The following MIA2 variants were observed in gnomAD, a reference collection of about 807,000 sequenced individuals.
MIA2 encodes the protein melanoma inhibitory activity protein 2.
Under a neutral mutation model 167.8 loss-of-function variants are expected in MIA2, and 127 were observed. The ratio of observed to expected loss-of-function variants is 0.76; its 90% CI spans 0.66 to 0.88. MIA2 has a LOEUF of 0.88. MIA2 is among the 40% of genes least tolerant of loss of function. MIA2 has a pLI of 0.00. For synonymous variants in MIA2, 552 were observed against 541.9 expected (o/e 1.02, Z -0.26); for missense variants, 1,690 against 1,624.7 (o/e 1.04, Z -0.69).
intron 2 of MIA2, among the ~76,000 whole-genome samples, chr14:39,239,255 C>T (rs1332113012): frequency 6.6e-6 from 1 of 152,054 alleles, no homozygotes; most frequent in Non-Finnish European, 1.5e-5. Flanking sequence ...CTTTAAAATG[C>T]CAGTCTAAGG....
Position 39,240,554 on chromosome 14 carries a change from T to G in MIA2, c.250-7T>G. On this transcript the variant is annotated splice_polypyrimidine_tract_variant and splice_region_variant and intron_variant, in intron 2 of 28. Transcript: ENST00000640607. ...TCCTCGATAATCTTTGTTCTTCATT[T>G]TGACAGAAAGGAAAGGAGTTTGGAT... The G allele has an allele frequency of 6.2e-7, 1 of 1,602,106 alleles. No homozygotes were observed. The highest frequency in any genetic ancestry group is 8.5e-7 in the Non-Finnish European group (1 of 1,170,130).
intron 6 of MIA2, chr14:39,269,089 T>A: frequency 1.0e-6 from 1 of 960,156 alleles, no homozygotes; most frequent in Non-Finnish European, 1.2e-6. Flanking sequence ...TTTTTTTTTT[T>A]TTTTTTTTTT....
intron 13 of MIA2, among the ~76,000 whole-genome samples, chr14:39,298,530 GTTTTT>G (rs764475842): frequency 3.8e-5 from 1 of 26,180 alleles, no homozygotes; most frequent in African/African-American, 1.6e-4. Context: ...GTAGAACAGA[GTTTTT>G]TTTTTTTTTT....
intron 9 of MIA2, among the ~76,000 whole-genome samples, chr14:39,287,402 G>C (rs1180372971): frequency 6.6e-6 from 1 of 151,838 alleles, no homozygotes. Flanking sequence ...AATAGAAGTG[G>C]TGGTTGTGGG....
chr14:39,271,860 A>G (rs2057212222), intron 6 of MIA2, among the ~76,000 whole-genome samples: 1 of 152,036 alleles, frequency 6.6e-6, no homozygotes, highest in Admixed American at 6.6e-5. Flanking sequence ...AATAGAATTT[A>G]TTAAGTGAAA....
chr14:39,295,158 C>T, intron 13 of MIA2, 129 bp downstream of exon 13: 1 of 680,766 alleles, frequency 1.5e-6, no homozygotes. Flanking sequence ...AGGACAGTCT[C>T]CCATACATAT....
chr14:39,320,604 C>CT (rs1468392195), intron 23 of MIA2, among the ~76,000 whole-genome samples: 1 of 152,062 alleles, frequency 6.6e-6, no homozygotes, highest in African/African-American at 2.4e-5. Flanking sequence ...AAAAAAAAAT[C>CT]TAACTTTATG....
rs895698237 is a variant in MIA2 at position 39,348,970 on chromosome 14, A to T, written c.4065A>T (p.Pro1355=). The T allele has an allele frequency of 6.2e-7, 1 of 1,612,636 alleles. No homozygotes were observed. The change falls in exon 28 of 29, where the codon CCA becomes CCT. Residue 1355 remains proline (P), a synonymous_variant. Transcript: ENST00000640607. ...ATTTCCCAGGTCCACCACCTGCTCC[A>T]TTTGCAAGTATGCTTTTTTAAACTT... ...PGDFPGPPPA[P]FAMRNVYPPR... is the part of the protein sequence containing the mutation.
chr14:39,341,575 A>T (rs2071852864), intron 25 of MIA2, among the ~76,000 whole-genome samples: 1 of 152,124 alleles, frequency 6.6e-6, no homozygotes, highest in African/African-American at 2.4e-5. Context: ...GGTGGAGGGT[A>T]AGTGGAGGTG....
Position 39,303,534 on chromosome 14 carries a change from AT to A in MIA2, c.2787+12del. On this transcript the variant is annotated intron_variant, in intron 16 of 28. Transcript: ENST00000640607. ...GATTCATGCTGCTAAGGTTTGTGCTATTAGATACTTAAAAAGAATAAGGAGG... is the reference window on the plus strand; with the variant it reads ...GATTCATGCTGCTAAGGTTTGTGCTATAGATACTTAAAAAGAATAAGGAGG... 6.3e-7 allele frequency: 1 copy of A among 1,598,990 alleles called. No homozygotes were observed. The highest frequency in any genetic ancestry group is 8.6e-7 in the Non-Finnish European group (1 of 1,168,830).
At chr14:39,344,223 G>T (rs2072696306) in intron 25 of MIA2, among the ~76,000 whole-genome samples, 1 of 152,168 alleles carries the variant, frequency 6.6e-6, no homozygotes, top group Admixed American at 6.5e-5. Context: ...TTGTTGATGT[G>T]TGGGGATATA....
chr14:39,313,491 A>G, intron 19 of MIA2, 50 bp downstream of exon 19: 1 of 1,034,814 alleles, frequency 9.7e-7, no homozygotes, highest in Non-Finnish European at 1.4e-6. Context: ...AAGAGTATCT[A>G]AAAAACTTAA....
rs567648270 is a variant in MIA2, at chr14:39,241,564, C to T, written c.336+917C>T. On this transcript the variant is annotated intron_variant, in intron 3 of 28. Coordinates refer to ENST00000640607, the MANE Select transcript of MIA2 (RefSeq NM_001329214.4). ...GAATTTCTGGGGCTCAAGCAATCCTCCCGCCTCTGCCTCACCAATGGCTGG... is the reference window on the plus strand; with the variant it reads ...GAATTTCTGGGGCTCAAGCAATCCTTCCGCCTCTGCCTCACCAATGGCTGG... Among the ~76,000 whole-genome samples, 40 of 152,326 alleles carry T rather than the reference C, an allele frequency of 2.6e-4. 2 individuals are homozygous for T. The highest frequency in any genetic ancestry group is 9.6e-4 in the African/African-American group (40 of 41,582).
At position 39,332,507 on chromosome 14, in the gene MIA2, G is replaced by C. The variant is rs559411312; in HGVS notation, c.3655+5485G>C. ...TGCTGCCAAGGAGTTGTGATCCTTT[G>C]AAAGACGAGGCATCCTGGTTTTTGG... On this transcript the variant is annotated intron_variant, in intron 25 of 28. Coordinates refer to ENST00000640607, the MANE Select transcript of MIA2 (RefSeq NM_001329214.4). Among the ~76,000 whole-genome samples the C allele has an allele frequency of 4.6e-5, 7 of 152,272 alleles. No individual in the cohort carries two copies. In the South Asian group the frequency reaches 8.3e-4, roughly 18 times the overall value.
intron 25 of MIA2, among the ~76,000 whole-genome samples, chr14:39,338,708 C>T (rs1488562227): frequency 6.6e-6 from 1 of 152,110 alleles, no homozygotes; most frequent in African/African-American, 2.4e-5. Context: ...TTACCTTGCT[C>T]AGCGCTTCAG....
At chr14:39,277,684 A>ATATG (rs1430153750) in intron 7 of MIA2, among the ~76,000 whole-genome samples, 2 of 9,360 alleles carry the variant, frequency 2.1e-4, no homozygotes, top group African/African-American at 2.0e-3. Flanking sequence ...ATATATATAT[A>ATATG]TATGTGTGTA....
intron 25 of MIA2, among the ~76,000 whole-genome samples, chr14:39,333,944 A>C (rs187422009): frequency 1.3e-5 from 2 of 152,334 alleles, no homozygotes; most frequent in African/African-American, 4.8e-5. Flanking sequence ...CAGAGGGCCA[A>C]CCTGTGTCAA....
At chr14:39,295,104 C>T (rs2061247702) in intron 13 of MIA2, 75 bp downstream of exon 13, 1 of 994,798 alleles carries the variant, frequency 1.0e-6, no homozygotes, top group African/African-American at 1.6e-5. Context: ...ATGACTGACC[C>T]ATGCTAGGGA....
chr14:39,355,147 C>T (rs549837732), downstream of MIA2, among the ~76,000 whole-genome samples: 1 of 150,720 alleles, frequency 6.6e-6, no homozygotes, highest in South Asian at 2.1e-4. Context: ...TTACCTTGGG[C>T]AGTATGGCCA....
Sources: gnomAD v4.1 joint callset for allele counts (sites outside exome capture counted in the v4.1 genomes callset) on GRCh38, gnomAD v4.1.1 for gene constraint, MANE v1.5 for transcripts, NCBI Gene and HGNC (gene_info 2026-07-23, HGNC 2026-07-21) for gene names.